Variants in HPSE2 observed in about 807,000 individuals in gnomAD.
HPSE2 encodes inactive heparanase-2.
In HPSE2, 38 loss-of-function variants were observed where a neutral mutation model predicts 60.5. The ratio of observed to expected loss-of-function variants is 0.63; its 90% CI spans 0.48 to 0.82. The LOEUF (loss-of-function observed/expected upper bound fraction) is 0.82. HPSE2 is among the 40% of genes least tolerant of loss of function. The pLI, the probability that HPSE2 is intolerant of heterozygous loss-of-function variation, is 0.00. For synonymous variants in HPSE2, 295 were observed against 293.2 expected, an observed-to-expected ratio of 1.01 and a Z score of -0.06; for missense variants, 713 against 740.4, an observed-to-expected ratio of 0.96 and a Z score of 0.43.
intron 5 of HPSE2, among the ~76,000 whole-genome samples, chr10:98,696,292 T>C (rs1485725488): frequency 1.1e-5 from 1 of 89,658 alleles, no homozygotes; most frequent in African/African-American, 4.1e-5. Flanking sequence ...GAGGCTCCCA[T>C]AAAAAAAAAA....
At chr10:98,613,637 T>C (rs997265592) in intron 9 of HPSE2, among the ~76,000 whole-genome samples, 1 of 152,144 alleles carries the variant, frequency 6.6e-6, no homozygotes. Flanking sequence ...TGGTTCCAGT[T>C]TGGGTTTGTT....
intron 5 of HPSE2, among the ~76,000 whole-genome samples, chr10:98,709,109 A>G (rs1233170337): frequency 1.3e-5 from 2 of 152,228 alleles, no homozygotes; most frequent in Non-Finnish European, 2.9e-5. Context: ...CAAATCTAAC[A>G]TTGATAGATT....
intron 2 of HPSE2, among the ~76,000 whole-genome samples, chr10:99,199,184 A>G (rs1482751793): frequency 8.5e-5 from 13 of 152,108 alleles, no homozygotes; most frequent in Admixed American, 5.9e-4. Context: ...TTTAATTTCA[A>G]TTCTCTTGGA....
chr10:99,122,394 C>A (rs1259614056), intron 3 of HPSE2, among the ~76,000 whole-genome samples: 1 of 151,806 alleles, frequency 6.6e-6, no homozygotes, highest in Admixed American at 6.6e-5. Flanking sequence ...AGAAAAAAGA[C>A]AAATATACCT....
chr10:98,601,915 C>T (rs2133944745), intron 9 of HPSE2, among the ~76,000 whole-genome samples: 1 of 152,316 alleles, frequency 6.6e-6, no homozygotes, highest in South Asian at 2.1e-4. Context: ...CAAAGGCAAA[C>T]TTGTTAGCTT....
intron 3 of HPSE2, among the ~76,000 whole-genome samples, chr10:98,817,459 G>A (rs1236681138): frequency 6.6e-6 from 1 of 152,134 alleles, no homozygotes; most frequent in African/African-American, 2.4e-5. Context: ...AAAACAACCT[G>A]AATGAAGTAC....
At chr10:99,153,475 C>A (rs1417015612) in intron 2 of HPSE2, among the ~76,000 whole-genome samples, 1 of 152,038 alleles carries the variant, frequency 6.6e-6, no homozygotes, top group African/African-American at 2.4e-5. Context: ...CTGGGAGGCA[C>A]CCCCCAGCAG....
intron 3 of HPSE2, among the ~76,000 whole-genome samples, chr10:99,034,371 A>G (rs1957563659): frequency 6.6e-6 from 1 of 152,188 alleles, no homozygotes; most frequent in East Asian, 1.9e-4. Context: ...AACTATCAAC[A>G]GGTACCATGA....
At chr10:98,814,964 A>G (rs1200175089) in intron 3 of HPSE2, among the ~76,000 whole-genome samples, 1 of 150,396 alleles carries the variant, frequency 6.6e-6, no homozygotes, top group African/African-American at 2.5e-5. Context: ...GAGAATAACT[A>G]GAAAAAAACA....
At chr10:98,967,072 G>T (rs760910605) in intron 3 of HPSE2, among the ~76,000 whole-genome samples, 1 of 152,202 alleles carries the variant, frequency 6.6e-6, no homozygotes, top group African/African-American at 2.4e-5. Context: ...CCACGATTTA[G>T]AGGAGAAATA....
At chr10:98,533,342 A>G (rs1943187074) in intron 9 of HPSE2, among the ~76,000 whole-genome samples, 1 of 152,238 alleles carries the variant, frequency 6.6e-6, no homozygotes, top group South Asian at 2.1e-4. Context: ...ACAATGGGAC[A>G]GTTTGAAGAT....
At chr10:98,623,885 A>G (rs1489429685) in intron 7 of HPSE2, among the ~76,000 whole-genome samples, 2 of 152,224 alleles carry the variant, frequency 1.3e-5, no homozygotes, top group Admixed American at 1.3e-4. Flanking sequence ...TCATCTCAGA[A>G]ACAAAGATCT....
chr10:99,032,220 A>C (rs1240458684), intron 3 of HPSE2, among the ~76,000 whole-genome samples: 1 of 152,206 alleles, frequency 6.6e-6, no homozygotes, highest in South Asian at 2.1e-4. Flanking sequence ...ATTTGCACAT[A>C]GGGCAATATT....
intron 2 of HPSE2, among the ~76,000 whole-genome samples, chr10:99,186,186 C>A (rs1848015524): frequency 6.9e-6 from 1 of 144,920 alleles, no homozygotes; most frequent in African/African-American, 2.5e-5. Flanking sequence ...CTAAAAACCA[C>A]AGACAAAGAG....
chr10:98,709,736 G>A (rs749202243), intron 5 of HPSE2, among the ~76,000 whole-genome samples: 55 of 152,150 alleles, frequency 3.6e-4, no homozygotes, highest in Non-Finnish European at 1.2e-4. Context: ...TTATCCACCT[G>A]CACATATGAT....
intron 3 of HPSE2, among the ~76,000 whole-genome samples, chr10:99,087,241 T>C (rs951599399): frequency 6.6e-6 from 1 of 152,226 alleles, no homozygotes; most frequent in African/African-American, 2.4e-5. Flanking sequence ...GGCCCATATT[T>C]TGCATCCCTG....
intron 3 of HPSE2, among the ~76,000 whole-genome samples, chr10:99,099,053 C>T (rs1054785737): frequency 3.3e-5 from 5 of 152,190 alleles, no homozygotes; most frequent in African/African-American, 1.2e-4. Context: ...CAGTCTACAG[C>T]TCCCAGCGTG....
chr10:99,019,540 G>A (rs1450170718), intron 3 of HPSE2, among the ~76,000 whole-genome samples: 2 of 152,152 alleles, frequency 1.3e-5, no homozygotes, highest in Admixed American at 6.5e-5. Flanking sequence ...TTTAAGATAA[G>A]TACATACATG....
intron 3 of HPSE2, among the ~76,000 whole-genome samples, chr10:99,004,340 T>C (rs1465087679): frequency 6.6e-6 from 1 of 152,140 alleles, no homozygotes; most frequent in Non-Finnish European, 1.5e-5. Flanking sequence ...CTCTTTTCTT[T>C]CTCTCTTGCT....
Sources: allele counts gnomAD v4.1 joint callset (sites outside exome capture counted in the v4.1 genomes callset), GRCh38; gene constraint gnomAD v4.1.1; transcripts MANE v1.5; gene names NCBI Gene and HGNC (gene_info 2026-07-23, HGNC 2026-07-21).